Variants in DOCK9 observed in about 807,000 individuals in gnomAD.
DOCK9 encodes the protein dedicator of cytokinesis protein 9.
DOCK9 carries 89 observed loss-of-function variants against 263.3 expected under a neutral mutation model. That is an observed-to-expected ratio of 0.34 (90% CI 0.28 to 0.40). The LOEUF is 0.40. Ranked by LOEUF, DOCK9 falls within the 10% of genes least tolerant of loss-of-function variation. The pLI, the probability that DOCK9 is intolerant of heterozygous loss-of-function variation, is 1.00. For synonymous variants in DOCK9, 976 were observed against 973.1 expected (o/e 1.00, Z -0.06); for missense variants, 2,140 against 2,603.4 (o/e 0.82, Z 3.87).
chr13:99,065,789 C>A (rs1254634812), intron 1 of DOCK9, among the ~76,000 whole-genome samples: 1 of 152,210 alleles, frequency 6.6e-6, no homozygotes, highest in African/African-American at 2.4e-5. Flanking sequence ...AATCTTCTCT[C>A]TCCTATTAGT....
Position 98,853,533 on chromosome 13 carries a change from A to C in DOCK9, c.3832-11T>G. 1 of 1,573,634 alleles carries C rather than the reference A, an allele frequency of 6.4e-7. No individual in the cohort carries two copies. The highest frequency in any genetic ancestry group is 8.7e-7 in the Non-Finnish European group (1 of 1,148,308). ...GCTACTTTGTTGGTGCTAAAAAGAAAATACAGGTGATTTTTCTATTTAATT... is the reference window on the plus strand; with the variant it reads ...GCTACTTTGTTGGTGCTAAAAAGAACATACAGGTGATTTTTCTATTTAATT... On this transcript the variant is annotated splice_polypyrimidine_tract_variant and intron_variant, in intron 34 of 52. Coordinates refer to ENST00000682017, the MANE Select transcript of DOCK9 (RefSeq NM_001366683.2).
At chr13:98,808,696 A>G (rs1313435027) in intron 47 of DOCK9, 3 of 1,517,844 alleles carry the variant, frequency 2.0e-6, no homozygotes, top group Non-Finnish European at 2.7e-6. Flanking sequence ...ATAAAAGACA[A>G]TAACAGAATA....
chr13:99,026,096 A>C (rs1441598501), intron 1 of DOCK9, among the ~76,000 whole-genome samples: 3 of 44,672 alleles, frequency 6.7e-5, no homozygotes, highest in Non-Finnish European at 1.6e-4. Flanking sequence ...AAAAAAAAAA[A>C]AAACAGTTCC....
At chr13:98,853,769 G>T (rs1363372378) in intron 34 of DOCK9, among the ~76,000 whole-genome samples, 1 of 152,128 alleles carries the variant, frequency 6.6e-6, no homozygotes, top group African/African-American at 2.4e-5. Context: ...AGAAGGCACA[G>T]ACCTTTCTCA....
intron 1 of DOCK9, among the ~76,000 whole-genome samples, chr13:98,984,977 A>G (rs1878099798): frequency 6.6e-6 from 1 of 151,642 alleles, no homozygotes; most frequent in Non-Finnish European, 1.5e-5. Flanking sequence ...TCAGATTCTC[A>G]TTTCCAACAG....
At chr13:98,921,846 T>G (rs1280586666) in intron 6 of DOCK9, among the ~76,000 whole-genome samples, 1 of 152,152 alleles carries the variant, frequency 6.6e-6, no homozygotes, top group Non-Finnish European at 1.5e-5. Context: ...GGTCTCCTTA[T>G]GCTGGTGGTC....
At chr13:98,996,812 T>A (rs190852738) in intron 1 of DOCK9, among the ~76,000 whole-genome samples, 7 of 152,344 alleles carry the variant, frequency 4.6e-5, no homozygotes, top group African/African-American at 1.7e-4. Flanking sequence ...TCCTTTACCT[T>A]CCTTGGTTTT....
At chr13:98,973,985 A>C (rs2059982329) in intron 1 of DOCK9, among the ~76,000 whole-genome samples, 1 of 152,110 alleles carries the variant, frequency 6.6e-6, no homozygotes, top group African/African-American at 2.4e-5. Flanking sequence ...AAAATTCCCA[A>C]AATAAGACCT....
chr13:98,913,918 C>T (rs994814745), intron 9 of DOCK9, among the ~76,000 whole-genome samples: 4 of 152,042 alleles, frequency 2.6e-5, no homozygotes, highest in African/African-American at 9.7e-5. Flanking sequence ...AGGCAACCCC[C>T]GGGTTTCGTG....
Position 98,998,482 on chromosome 13 carries a change from A to C in DOCK9, c.130-42931T>G, listed in dbSNP as rs530025205. ...ACTCATGGCCTTGGTTTCCATCTGAATGATCCGGGCAGAGTCTCACACCAA... is the reference window on the plus strand; with the variant it reads ...ACTCATGGCCTTGGTTTCCATCTGACTGATCCGGGCAGAGTCTCACACCAA... On this transcript the variant is annotated intron_variant, in intron 1 of 32. Coordinates refer to the DOCK9 transcript ENST00000427887. Among the ~76,000 whole-genome samples, 15 of 152,292 alleles carry C rather than the reference A, an allele frequency of 9.8e-5. 1 individual carries two copies. The South Asian group carries it at 3.1e-3, about 32-fold the overall frequency.
chr13:98,896,325 C>T (rs370878278), intron 15 of DOCK9, among the ~76,000 whole-genome samples: 1 of 152,168 alleles, frequency 6.6e-6, no homozygotes, highest in Non-Finnish European at 1.5e-5. Flanking sequence ...ATTAGGAACA[C>T]GTCTCTGTGT....
chr13:99,067,678 G>A (rs2041480976), intron 1 of DOCK9, among the ~76,000 whole-genome samples: 1 of 152,188 alleles, frequency 6.6e-6, no homozygotes, highest in Non-Finnish European at 1.5e-5. Flanking sequence ...ATAGGCACCA[G>A]GCCAAGACCA....
chr13:98,970,071 T>C (rs2059585014), intron 1 of DOCK9, among the ~76,000 whole-genome samples: 1 of 152,328 alleles, frequency 6.6e-6, no homozygotes, highest in East Asian at 1.9e-4. Context: ...CATAGCTCAC[T>C]GTAACCTTGA....
At chr13:98,893,450 A>G (rs116952579) in intron 15 of DOCK9, among the ~76,000 whole-genome samples, 5,250 of 152,312 alleles carry the variant, frequency 0.034, 142 homozygotes, top group Middle Eastern at 0.092. Context: ...AATCAAATAC[A>G]AAGTACCAAG....
At chr13:98,970,302 T>G (rs2059609268) in intron 1 of DOCK9, among the ~76,000 whole-genome samples, 1 of 152,162 alleles carries the variant, frequency 6.6e-6, no homozygotes, top group Non-Finnish European at 1.5e-5. Flanking sequence ...CCCACCCGTC[T>G]CTGTTTTAGA....
chr13:99,045,264 C>T (rs1888856311), intron 1 of DOCK9, among the ~76,000 whole-genome samples: 1 of 152,138 alleles, frequency 6.6e-6, no homozygotes, highest in Admixed American at 6.5e-5. Context: ...CCTAAGTGGC[C>T]ATCAGTGGAT....
At chr13:99,059,574 T>A (rs2041088505) in intron 1 of DOCK9, among the ~76,000 whole-genome samples, 1 of 152,178 alleles carries the variant, frequency 6.6e-6, no homozygotes. Flanking sequence ...CTTCCCAAAA[T>A]ACAAATGCAA....
At chr13:98,942,737 C>A (rs572749918) in intron 2 of DOCK9, among the ~76,000 whole-genome samples, 13 of 152,232 alleles carry the variant, frequency 8.5e-5, no homozygotes, top group East Asian at 7.7e-4. Context: ...CTTACACAAA[C>A]CTAGATGGTA....
chr13:98,885,825 T>C lies in DOCK9; in HGVS notation c.2143A>G (p.Ile715Val). Residue 715 changes from isoleucine to valine, a missense_variant, in exon 20 of 53, where the codon ATA becomes GTA. Physicochemically the swap from Ile to Val is conservative, Grantham distance 29. This residue lies in a region of DOCK9 where 1,521 missense variants were observed against 1,741.7 expected (regional missense o/e 0.87). Coordinates refer to ENST00000682017, the MANE Select transcript of DOCK9 (RefSeq NM_001366683.2). ...QNPEFYDEIKIELPTQLHEKH... is the reference protein window; with the variant it reads ...QNPEFYDEIKVELPTQLHEKH... The stretch of plus-strand genomic sequence containing the variant: ...TCATGCAGCTGAGTGGGCAACTCTA[T>C]TTTAATCTGCAAGGGAAGACAAAAT... 6.2e-7 allele frequency: 1 copy of C among 1,602,888 alleles called. No homozygotes were observed. The highest frequency in any genetic ancestry group is 8.5e-7 in the Non-Finnish European group (1 of 1,177,246).
Sources: gnomAD v4.1 joint callset for allele counts (sites outside exome capture counted in the v4.1 genomes callset) on GRCh38, gnomAD v4.1.1 for gene constraint, gnomAD v4.1.1 regional missense constraint, MANE v1.5 for transcripts, NCBI Gene and HGNC (gene_info 2026-07-23, HGNC 2026-07-21) for gene names.